Variants in DLGAP1 observed in about 807,000 individuals in gnomAD.
DLGAP1 encodes disks large-associated protein 1.
Under a neutral mutation model 90.8 loss-of-function variants are expected in DLGAP1, and 11 were observed. The observed-to-expected ratio is 0.12, with a 90% CI of 0.08 to 0.20. The LOEUF (loss-of-function observed/expected upper bound fraction) is 0.20. Ranked by LOEUF, DLGAP1 falls within the 10% of genes least tolerant of loss-of-function variation. The pLI is 1.00. For missense variants in DLGAP1, 1,050 were observed against 1,333.8 expected (o/e 0.79, Z 3.31); for synonymous variants, 558 against 540.7 (o/e 1.03, Z -0.44).
intron 7 of DLGAP1, among the ~76,000 whole-genome samples, chr18:3,591,389 T>G (rs1016705155): frequency 6.6e-6 from 1 of 151,988 alleles, no homozygotes; most frequent in Non-Finnish European, 1.5e-5. Flanking sequence ...GCATGTAGGA[T>G]TAGAAGTATG....
At chr18:3,539,294 A>C (rs914665859) in intron 9 of DLGAP1, among the ~76,000 whole-genome samples, 1 of 152,180 alleles carries the variant, frequency 6.6e-6, no homozygotes, top group East Asian at 1.9e-4. Flanking sequence ...GATGATATCA[A>C]CCCAAAAGCT....
intron 4 of DLGAP1, among the ~76,000 whole-genome samples, chr18:3,873,503 T>G (rs934169043): frequency 6.6e-6 from 1 of 152,106 alleles, no homozygotes; most frequent in Non-Finnish European, 1.5e-5. Context: ...GTAGCCAAAG[T>G]CATTAGCAGA....
At chr18:3,797,233 G>A (rs560473083) in intron 5 of DLGAP1, among the ~76,000 whole-genome samples, 1 of 152,254 alleles carries the variant, frequency 6.6e-6, no homozygotes, top group Admixed American at 6.5e-5. Flanking sequence ...TCAGGAGGCA[G>A]GGGAATTGCT....
intron 4 of DLGAP1, among the ~76,000 whole-genome samples, chr18:3,837,295 T>TATAA (rs1038199921): frequency 6.6e-6 from 1 of 152,220 alleles, no homozygotes; most frequent in Non-Finnish European, 1.5e-5. Flanking sequence ...GTTTATTTTC[T>TATAA]ATAAAAAGGA....
At chr18:3,643,532 A>G (rs962358296) in intron 7 of DLGAP1, among the ~76,000 whole-genome samples, 15 of 151,864 alleles carry the variant, frequency 9.9e-5, no homozygotes, top group African/African-American at 2.2e-4. Context: ...GCGTGGTGGC[A>G]GGCGCCTGTA....
Position 3,772,115 on chromosome 18 carries a change from CCTTT to C in DLGAP1, c.1173-29607_1173-29604del, listed in dbSNP as rs947678223. ...AGCCTTTCTTTCTTTTCTTTTCTTT[CCTTT>C]CTTTCTTTTCTTTTCTTTCTCTCCT... On this transcript the variant is annotated intron_variant, in intron 5 of 12. Coordinates refer to ENST00000315677, the MANE Select transcript of DLGAP1 (RefSeq NM_004746.4). Among the ~76,000 whole-genome samples, 93 of 150,142 alleles carry C rather than the reference CCTTT, an allele frequency of 6.2e-4. 1 individual carries two copies. In the East Asian group the frequency reaches 0.012, roughly 19 times the overall value.
intron 1 of DLGAP1, among the ~76,000 whole-genome samples, chr18:4,211,516 T>C (rs747330171): frequency 2.1e-4 from 32 of 152,132 alleles, no homozygotes; most frequent in Non-Finnish European, 2.2e-4. Flanking sequence ...GTGATACCAA[T>C]TGATGTTGTA....
chr18:4,244,608 T>C (rs781093483), intron 1 of DLGAP1, among the ~76,000 whole-genome samples: 11 of 152,202 alleles, frequency 7.2e-5, no homozygotes, highest in African/African-American at 1.2e-4. Context: ...TCATTCTTCG[T>C]TGATTCTATA....
At chr18:4,376,128 A>G (rs1217585221) in intron 1 of DLGAP1, among the ~76,000 whole-genome samples, 4 of 152,208 alleles carry the variant, frequency 2.6e-5, no homozygotes, top group African/African-American at 9.6e-5. Flanking sequence ...TAAAGCCATC[A>G]TGAACTTAAA....
intron 1 of DLGAP1, among the ~76,000 whole-genome samples, chr18:4,287,867 AAAAAT>A (rs2079739702): frequency 6.6e-6 from 1 of 151,972 alleles, no homozygotes; most frequent in African/African-American, 2.4e-5. Flanking sequence ...AAAAATTTTA[AAAAAT>A]AAAATAATAA....
intron 1 of DLGAP1, among the ~76,000 whole-genome samples, chr18:4,257,864 A>G (rs2078920906): frequency 6.6e-6 from 1 of 151,716 alleles, no homozygotes; most frequent in African/African-American, 2.4e-5. Context: ...ACCTCAAGTG[A>G]TCCATCTGCC....
chr18:3,963,411 T>A (rs147598276), intron 3 of DLGAP1, among the ~76,000 whole-genome samples: 3 of 152,176 alleles, frequency 2.0e-5, no homozygotes, highest in African/African-American at 7.2e-5. Context: ...CAAATGTGCA[T>A]GAGGATGAGG....
intron 7 of DLGAP1, among the ~76,000 whole-genome samples, chr18:3,713,313 C>T (rs929475161): frequency 6.6e-6 from 1 of 152,156 alleles, no homozygotes; most frequent in Non-Finnish European, 1.5e-5. Flanking sequence ...ATATTAACCC[C>T]ACAACTGAGG....
intron 2 of DLGAP1, among the ~76,000 whole-genome samples, chr18:4,055,314 A>C (rs2075197438): frequency 6.6e-6 from 1 of 152,182 alleles, no homozygotes; most frequent in African/African-American, 2.4e-5. Flanking sequence ...TCAGGAGTAC[A>C]TGTGCTGGTT....
At chr18:4,394,365 A>C (rs1484208131) in intron 1 of DLGAP1, among the ~76,000 whole-genome samples, 1 of 152,240 alleles carries the variant, frequency 6.6e-6, no homozygotes, top group African/African-American at 2.4e-5. Context: ...GTGAGATAAG[A>C]ATTTAAGAAT....
chr18:4,197,132 C>A (rs1343588416), intron 1 of DLGAP1, among the ~76,000 whole-genome samples: 3 of 141,544 alleles, frequency 2.1e-5, no homozygotes, highest in African/African-American at 8.1e-5. Context: ...GAGATCGTGC[C>A]ATTGCACTCC....
chr18:3,618,134 G>C (rs976253241), intron 7 of DLGAP1, among the ~76,000 whole-genome samples: 1 of 152,166 alleles, frequency 6.6e-6, no homozygotes, highest in Admixed American at 6.5e-5. Flanking sequence ...TCTAACAAAG[G>C]TTTATCAAGG....
chr18:4,122,431 C>T (rs2144120620), intron 2 of DLGAP1, among the ~76,000 whole-genome samples: 1 of 152,204 alleles, frequency 6.6e-6, no homozygotes, highest in African/African-American at 2.4e-5. Flanking sequence ...TGTGTTTTCG[C>T]TTTCTTATTT....
intron 9 of DLGAP1, among the ~76,000 whole-genome samples, chr18:3,541,971 C>G (rs190910483): frequency 1.4e-4 from 22 of 152,172 alleles, no homozygotes; most frequent in Admixed American, 6.5e-4. Flanking sequence ...AGGAGTGGCT[C>G]TCATAATATG....
Sources: gnomAD v4.1 joint callset for allele counts (sites outside exome capture counted in the v4.1 genomes callset) on GRCh38, gnomAD v4.1.1 for gene constraint, MANE v1.5 for transcripts, NCBI Gene and HGNC (gene_info 2026-07-23, HGNC 2026-07-21) for gene names.